The following CCDC50 variants were observed in gnomAD, a reference collection of about 807,000 sequenced individuals.
CCDC50 encodes coiled-coil domain containing 50.
In CCDC50, 54 loss-of-function variants were observed where a neutral mutation model predicts 70.2. That is an observed-to-expected ratio of 0.77 (90% CI 0.62 to 0.96). The LOEUF (loss-of-function observed/expected upper bound fraction) is 0.96. Ranked by LOEUF, CCDC50 falls within the 50% of genes least tolerant of loss-of-function variation. CCDC50 has a pLI of 0.00. For missense variants in CCDC50, 558 were observed against 578.7 expected, an observed-to-expected ratio of 0.96 and a Z score of 0.37; for synonymous variants, 216 against 198.8, an observed-to-expected ratio of 1.09 and a Z score of -0.73.
chr3:191,390,262 A>G (rs994465434), intron 11 of CCDC50, among the ~76,000 whole-genome samples: 1 of 152,132 alleles, frequency 6.6e-6, no homozygotes, highest in Non-Finnish European at 1.5e-5. Flanking sequence ...AATTAGATTT[A>G]AAATATGCAT....
chr3:191,366,614 A>G (rs547613077), intron 4 of CCDC50, among the ~76,000 whole-genome samples: 1 of 152,268 alleles, frequency 6.6e-6, no homozygotes, highest in Non-Finnish European at 1.5e-5. Context: ...GTTTTTTTAA[A>G]ATGTGAACAG....
chr3:191,356,749 T>C (rs293817), intron 1 of CCDC50, among the ~76,000 whole-genome samples: 52,275 of 152,030 alleles, frequency 0.34, 10,897 homozygotes, highest in East Asian at 0.67. Flanking sequence ...GATACGTCTG[T>C]TATTTCAGCA....
chr3:191,335,551 T>A (rs534698082), intron 1 of CCDC50, among the ~76,000 whole-genome samples: 1 of 152,152 alleles, frequency 6.6e-6, no homozygotes, highest in African/African-American at 2.4e-5. Context: ...TTCTCAGATA[T>A]TGCTTTTAAA....
intron 5 of CCDC50, among the ~76,000 whole-genome samples, chr3:191,374,071 G>A (rs1713004827): frequency 1.3e-5 from 2 of 152,148 alleles, no homozygotes; most frequent in African/African-American, 4.8e-5. Context: ...CCATGGAATT[G>A]GGATTTTTCG....
chr3:191,363,375 A>C (rs141765047), intron 4 of CCDC50, among the ~76,000 whole-genome samples: 2,169 of 152,202 alleles, frequency 0.014, 28 homozygotes, highest in Non-Finnish European at 0.022. Flanking sequence ...TTGGAGTTAC[A>C]CTCACCTGGG....
chr3:191,343,149 T>C (rs1415697740), intron 1 of CCDC50, among the ~76,000 whole-genome samples: 1 of 152,208 alleles, frequency 6.6e-6, no homozygotes, highest in East Asian at 1.9e-4. Flanking sequence ...GAAGTGAGTA[T>C]GCACCTATTT....
intron 1 of CCDC50, among the ~76,000 whole-genome samples, chr3:191,340,442 A>G (rs572606830): frequency 6.6e-6 from 1 of 152,374 alleles, no homozygotes; most frequent in South Asian, 2.1e-4. Context: ...TTAGGAAACT[A>G]CATTTAGTTT....
chr3:191,378,047 T>C (rs894298998), intron 6 of CCDC50, among the ~76,000 whole-genome samples: 1 of 152,136 alleles, frequency 6.6e-6, no homozygotes. Flanking sequence ...ACAAAAATTT[T>C]TGTCACCTTG....
chr3:191,382,848 A>G (rs751630598), intron 10 of CCDC50, 23 bp downstream of exon 10: 3 of 1,562,140 alleles, frequency 1.9e-6, no homozygotes, highest in African/African-American at 2.7e-5. Context: ...CTGAAAAGAA[A>G]AATGAGGAAG....
At chr3:191,385,812 G>T (rs139622821) in intron 10 of CCDC50, among the ~76,000 whole-genome samples, 2 of 152,044 alleles carry the variant, frequency 1.3e-5, no homozygotes, top group Admixed American at 6.6e-5. Flanking sequence ...ATGGTGAGAG[G>T]TATGGGTCCA....
At chr3:191,336,775 TGGCC>T (rs1711535752) in intron 1 of CCDC50, among the ~76,000 whole-genome samples, 1 of 152,206 alleles carries the variant, frequency 6.6e-6, no homozygotes, top group African/African-American at 2.4e-5. Context: ...GAGTATACTG[TGGCC>T]ACCCCAATAC....
chr3:191,356,830 C>T (rs1353936146), intron 1 of CCDC50, among the ~76,000 whole-genome samples: 1 of 152,172 alleles, frequency 6.6e-6, no homozygotes, highest in African/African-American at 2.4e-5. Context: ...TGTAAATGTT[C>T]TCACCTCAGG....
At chr3:191,350,878 C>T (rs80205369) in intron 1 of CCDC50, among the ~76,000 whole-genome samples, 1,565 of 141,600 alleles carry the variant, frequency 0.011, 161 homozygotes, top group African/African-American at 0.038. Flanking sequence ...TTTTTCTCAC[C>T]GGCATTGCCA....
At chr3:191,340,665 G>A (rs953809926) in intron 1 of CCDC50, among the ~76,000 whole-genome samples, 3 of 152,064 alleles carry the variant, frequency 2.0e-5, no homozygotes, top group Admixed American at 6.6e-5. Flanking sequence ...TTGGAGTGGC[G>A]GAGCTTATTA....
rs1275639394 is a variant in CCDC50 at position 191,375,844 on chromosome 3, A to G, written c.976+255A>G. On this transcript the variant is annotated intron_variant, in intron 6 of 11. Transcript: ENST00000392455. ...GAGAGTTATTCCATGCCCAGGTTGT[A>G]TTAGAGGTACCCATTCCAGATATAG... is the stretch of plus-strand genomic sequence containing the variant. 2.2e-4 allele frequency among the ~76,000 whole-genome samples: 34 copies of G among 152,154 alleles called. 1 individual carries two copies. Among genetic ancestry groups the G allele is most frequent in the Admixed American group, 2.2e-3 (34 of 15,264 alleles).
At chr3:191,334,407 T>C (rs1271349515) in intron 1 of CCDC50, among the ~76,000 whole-genome samples, 1 of 152,192 alleles carries the variant, frequency 6.6e-6, no homozygotes, top group Non-Finnish European at 1.5e-5. Context: ...TTTAAACAGG[T>C]ACTTAACGGA....
At chr3:191,383,591 C>T (rs528737196) in intron 10 of CCDC50, among the ~76,000 whole-genome samples, 5 of 152,210 alleles carry the variant, frequency 3.3e-5, no homozygotes, top group African/African-American at 1.2e-4. Context: ...AAACATAACG[C>T]TTATTTCATT....
chr3:191,331,740 T>C (rs1717993229), intron 1 of CCDC50, among the ~76,000 whole-genome samples: 2 of 152,208 alleles, frequency 1.3e-5, no homozygotes, highest in Non-Finnish European at 2.9e-5. Flanking sequence ...TCTAATAAAG[T>C]GTATCCTTCC....
At position 191,395,735 on chromosome 3, in the gene CCDC50, C is replaced by T. The variant is rs58385511; in HGVS notation, c.*3975C>T. The stretch of plus-strand genomic sequence containing the variant: ...TCTGTTGAAACGATCATAACAAAAT[C>T]AAAACCTCATGCTTCAGCAAAAAGG... On this transcript the variant is annotated 3_prime_UTR_variant, in exon 12 of 12. Transcript: ENST00000392455. 2.0e-3 allele frequency: 309 copies of T among 152,226 alleles called. 2 individuals carry two copies. Among genetic ancestry groups the T allele is most frequent in the African/African-American group, 7.2e-3 (300 of 41,534 alleles). 9.4% of individuals were successfully genotyped at this position (152,226 alleles called of 1,614,324 possible).
Sources: gnomAD v4.1 joint callset for allele counts (sites outside exome capture counted in the v4.1 genomes callset) on GRCh38, gnomAD v4.1.1 for gene constraint, MANE v1.5 for transcripts, NCBI Gene and HGNC (gene_info 2026-07-23, HGNC 2026-07-21) for gene names.